Variants in CNIH3 observed in about 807,000 individuals in gnomAD.
CNIH3 encodes the protein cornichon family AMPA receptor auxiliary protein 3, also known as protein cornichon homolog 3.
Under a neutral mutation model 24.1 loss-of-function variants are expected in CNIH3, and 14 were observed. The ratio of observed to expected loss-of-function variants is 0.58; its 90% CI spans 0.38 to 0.91. The LOEUF is 0.91. CNIH3 is among the 40% of genes least tolerant of loss of function. The pLI, the probability that CNIH3 is intolerant of heterozygous loss-of-function variation, is 0.00. For synonymous variants in CNIH3, 68 were observed against 73.8 expected (o/e 0.92, Z 0.40); for missense variants, 178 against 196.8 (o/e 0.90, Z 0.57).
rs114374998 is a variant in CNIH3 at position 224,716,137 on chromosome 1, T to A, written c.199-14325T>A. On this transcript the variant is annotated intron_variant, in intron 3 of 5. Coordinates refer to ENST00000272133, the MANE Select transcript of CNIH3 (RefSeq NM_152495.2). ...AATCCATCAATATGACTCCATCACA[T>A]TCTGCCCCTAACTACCTGTCCTGAC... Among the ~76,000 whole-genome samples, 513 of 152,304 alleles carry A rather than the reference T, an allele frequency of 3.4e-3. 1 individual carries two copies. The highest frequency in any genetic ancestry group is 0.012 in the African/African-American group (492 of 41,568).
At chr1:224,436,233 T>C (rs931719498) in intron 1 of CNIH3, among the ~76,000 whole-genome samples, 1 of 152,196 alleles carries the variant, frequency 6.6e-6, no homozygotes, top group Non-Finnish European at 1.5e-5. Context: ...TGAGTTCTAG[T>C]TGAGGTTCAT....
intron 3 of CNIH3, among the ~76,000 whole-genome samples, chr1:224,563,324 G>A (rs773393620): frequency 6.6e-6 from 1 of 152,124 alleles, no homozygotes; most frequent in African/African-American, 2.4e-5. Context: ...ATTTTTGGGG[G>A]GTTATGGATA....
At chr1:224,626,260 GCATC>G (rs1364170981) in intron 1 of CNIH3, among the ~76,000 whole-genome samples, 6 of 152,328 alleles carry the variant, frequency 3.9e-5, no homozygotes, top group Admixed American at 2.0e-4. Flanking sequence ...CAGAGTGTCT[GCATC>G]TTAACAGGGT....
intron 1 of CNIH3, among the ~76,000 whole-genome samples, chr1:224,651,439 C>A (rs926368993): frequency 6.6e-6 from 1 of 152,158 alleles, no homozygotes; most frequent in Non-Finnish European, 1.5e-5. Flanking sequence ...AAAAAAGTTG[C>A]AGTTTTTGTT....
chr1:224,612,998 CA>C (rs1332285345), upstream of CNIH3, among the ~76,000 whole-genome samples: 1 of 152,076 alleles, frequency 6.6e-6, no homozygotes, highest in Non-Finnish European at 1.5e-5. The surrounding 1 kb of genome is among the most constrained non-coding windows in gnomAD (Gnocchi z 4.7). Flanking sequence ...TTATATTTTC[CA>C]AATTATTTTA....
intron 1 of CNIH3, among the ~76,000 whole-genome samples, chr1:224,627,454 G>T (rs2125073248): frequency 6.6e-6 from 1 of 152,246 alleles, no homozygotes; most frequent in South Asian, 2.1e-4. Flanking sequence ...TCGAACTTCT[G>T]ACCTTGTGAT....
rs114429089 is a variant in CNIH3, at chr1:224,535,361, C to A, written n.344-1575C>A. On this transcript the variant is annotated intron_variant and non_coding_transcript_variant, in intron 2 of 2. Transcript: ENST00000470602. Reference sequence around the variant, plus strand: ...CCTCCCCTGCAGGTTTTAGAGAAAGCAGGACCCTGCTGACACCTTGACTTC... The same window carrying A: ...CCTCCCCTGCAGGTTTTAGAGAAAGAAGGACCCTGCTGACACCTTGACTTC... Among the ~76,000 whole-genome samples, 1,341 of 152,294 alleles carry A rather than the reference C, an allele frequency of 8.8e-3. 22 individuals are homozygous for A. Among genetic ancestry groups the A allele is most frequent in the African/African-American group, 0.03 (1,243 of 41,556 alleles).
At chr1:224,520,765 T>G (rs1311235569) in intron 1 of CNIH3, among the ~76,000 whole-genome samples, 1 of 152,250 alleles carries the variant, frequency 6.6e-6, no homozygotes, top group African/African-American at 2.4e-5. Flanking sequence ...TGCTTATTCC[T>G]TGCCTGCCAC....
intron 1 of CNIH3, among the ~76,000 whole-genome samples, chr1:224,507,479 C>T (rs1341290077): frequency 2.6e-5 from 4 of 152,166 alleles, no homozygotes; most frequent in Non-Finnish European, 5.9e-5. Context: ...TAGTGCCTAG[C>T]ACATCATAAA....
intron 1 of CNIH3, among the ~76,000 whole-genome samples, chr1:224,630,520 C>T (rs1166809960): frequency 1.3e-5 from 2 of 151,518 alleles, no homozygotes; most frequent in African/African-American, 2.4e-5. Flanking sequence ...ATTACCACCG[C>T]AACAAAAAAT....
intron 1 of CNIH3, among the ~76,000 whole-genome samples, chr1:224,456,670 G>GA (rs1675675380): frequency 6.6e-6 from 1 of 152,178 alleles, no homozygotes; most frequent in Admixed American, 6.5e-5. Context: ...CTCGGCCTCC[G>GA]AAAGTGCCGG....
intron 3 of CNIH3, among the ~76,000 whole-genome samples, chr1:224,729,437 G>T (rs1018054509): frequency 4.1e-5 from 6 of 147,564 alleles, no homozygotes; most frequent in African/African-American, 7.5e-5. Context: ...AAAAAAAAAG[G>T]TAAGTGGCAT....
intron 4 of CNIH3, among the ~76,000 whole-genome samples, chr1:224,570,177 A>G (rs1273411564): frequency 2.6e-5 from 4 of 152,176 alleles, no homozygotes; most frequent in Non-Finnish European, 5.9e-5. Context: ...AATAATTTCA[A>G]TTTCTATTTT....
intron 3 of CNIH3, among the ~76,000 whole-genome samples, chr1:224,706,800 C>T (rs1342260557): frequency 6.6e-6 from 1 of 152,020 alleles, no homozygotes; most frequent in African/African-American, 2.4e-5. Flanking sequence ...GGGTTTTTTC[C>T]CTATGATACC....
At chr1:224,659,459 G>C (rs1461781669) in intron 1 of CNIH3, among the ~76,000 whole-genome samples, 1 of 152,168 alleles carries the variant, frequency 6.6e-6, no homozygotes, top group Non-Finnish European at 1.5e-5. Context: ...GGGCAAAGAT[G>C]ATTTGCACTG....
At chr1:224,627,031 TAAGTGAAG>T (rs1683568052) in intron 1 of CNIH3, among the ~76,000 whole-genome samples, 1 of 152,128 alleles carries the variant, frequency 6.6e-6, no homozygotes, top group Admixed American at 6.5e-5. Flanking sequence ...CTGGACTTTC[TAAGTGAAG>T]CAGGGGTGGA....
chr1:224,646,943 A>G (rs1263109348), intron 1 of CNIH3, among the ~76,000 whole-genome samples: 1 of 152,164 alleles, frequency 6.6e-6, no homozygotes, highest in Non-Finnish European at 1.5e-5. Flanking sequence ...AGCTCAAGAG[A>G]GGAATGAGAC....
At chr1:224,573,849 A>C (rs538616156) in intron 4 of CNIH3, among the ~76,000 whole-genome samples, 2 of 152,204 alleles carry the variant, frequency 1.3e-5, no homozygotes, top group South Asian at 4.1e-4. Flanking sequence ...AAGGTAATTC[A>C]CTTGCACGTA....
intron 1 of CNIH3, among the ~76,000 whole-genome samples, chr1:224,623,131 C>G (rs1219943468): frequency 6.6e-6 from 1 of 152,092 alleles, no homozygotes; most frequent in African/African-American, 2.4e-5. Flanking sequence ...AGCCCCCTGA[C>G]CTGCCCTGGA....
Sources: gnomAD v4.1 joint callset for allele counts (sites outside exome capture counted in the v4.1 genomes callset) on GRCh38, gnomAD v4.1.1 for gene constraint, Gnocchi (gnomAD v3.1) non-coding constraint, MANE v1.5 for transcripts, NCBI Gene and HGNC (gene_info 2026-07-23, HGNC 2026-07-21) for gene names.